SYTL2: variants seen among roughly 807,000 people sequenced by gnomAD.
The protein encoded by SYTL2 is synaptotagmin-like protein 2.
SYTL2 carries 165 observed loss-of-function variants against 198.7 expected under a neutral mutation model. That is an observed-to-expected ratio of 0.83 (90% CI 0.73 to 0.94). The LOEUF (loss-of-function observed/expected upper bound fraction) is 0.94. SYTL2 is among the 40% of genes least tolerant of loss of function. SYTL2 has a pLI of 0.00. For missense variants in SYTL2, 2,835 were observed against 2,582.8 expected (o/e 1.10, Z -2.12); for synonymous variants, 966 against 917.7 (o/e 1.05, Z -0.95).
chr11:85,840,109 C>A, the SYTL2 span, among the ~76,000 whole-genome samples: 4 of 152,234 alleles, frequency 2.6e-5, no homozygotes, highest in Middle Eastern at 3.4e-3. Flanking sequence ...CTATTCAAAT[C>A]TTTTGCCCAT....
intron 9 of SYTL2, among the ~76,000 whole-genome samples, chr11:85,719,581 G>C (rs1171591552): frequency 1.3e-5 from 2 of 151,928 alleles, no homozygotes; most frequent in Non-Finnish European, 2.9e-5. Context: ...GTCCAACAAA[G>C]GATTCGACTC....
At position 85,748,390 on chromosome 11, in the gene SYTL2, C is replaced by T. The variant is rs138298146; in HGVS notation, c.135G>A (p.Gln45=). The T allele has an allele frequency of 7.6e-5, 122 of 1,613,880 alleles. No individual in the cohort carries two copies. Among genetic ancestry groups the T allele is most frequent in the Non-Finnish European group, 9.2e-5 (108 of 1,179,936 alleles). The change falls in exon 3 of 20, where the codon CAG becomes CAA. Residue 45 remains glutamine (Q), a synonymous_variant. Transcript: ENST00000359152. ...ACCATTGGCCACTCATATTCTTCAG[C>T]TGCTGGTCATCCTTAATTTTTTCAG... ...HLPEKIKDDQ[Q]LKNMSGQWFY... is the part of the protein sequence containing the mutation.
chr11:85,780,641 C>T lies in SYTL2; in HGVS notation c.-389-22527G>A, dbSNP rs180702082. Among the ~76,000 whole-genome samples the T allele has an allele frequency of 1.9e-4, 29 of 152,338 alleles. No homozygotes were observed. In the East Asian group the frequency reaches 4.8e-3, roughly 25 times the overall value. Reference sequence around the variant, plus strand: ...CATGCCCCTTCTCCCATACTTTGCCCTATGCATTTCTTCTATCTGGCTGTT... The same window carrying T: ...CATGCCCCTTCTCCCATACTTTGCCTTATGCATTTCTTCTATCTGGCTGTT... On this transcript the variant is annotated intron_variant, in intron 1 of 19. Transcript: ENST00000359152.
chr11:85,818,886 T>C, the SYTL2 span, among the ~76,000 whole-genome samples: 1 of 152,126 alleles, frequency 6.6e-6, no homozygotes, highest in Non-Finnish European at 1.5e-5. Flanking sequence ...AGATACTGAA[T>C]TTGAAGTCAG....
At chr11:85,825,245 G>A in the SYTL2 span, among the ~76,000 whole-genome samples, 14 of 151,968 alleles carry the variant, frequency 9.2e-5, no homozygotes, top group South Asian at 2.7e-3. Flanking sequence ...AAAATTAGCC[G>A]GGCGTAGTGG....
the SYTL2 span, among the ~76,000 whole-genome samples, chr11:85,844,452 A>G: frequency 6.6e-6 from 1 of 152,214 alleles, no homozygotes; most frequent in African/African-American, 2.4e-5. Context: ...TTCTTAAAAT[A>G]TGGAAGTTAG....
chr11:85,719,839 T>G (rs1395943864), intron 9 of SYTL2, among the ~76,000 whole-genome samples: 4 of 152,228 alleles, frequency 2.6e-5, no homozygotes, highest in Admixed American at 2.6e-4. Context: ...CTTTTTTTCA[T>G]TTTTAAATTC....
the SYTL2 span, among the ~76,000 whole-genome samples, chr11:85,838,274 T>C: frequency 6.6e-6 from 1 of 152,206 alleles, no homozygotes; most frequent in Admixed American, 6.5e-5. Context: ...ATTCTTGTGA[T>C]ACCAGCAGGA....
At chr11:85,821,438 G>T in the SYTL2 span, among the ~76,000 whole-genome samples, 1 of 152,304 alleles carries the variant, frequency 6.6e-6, no homozygotes, top group Admixed American at 6.5e-5. Flanking sequence ...ACAACTGGAG[G>T]TGAAGGCACC....
chr11:85,727,602 C>G lies in SYTL2; in HGVS notation c.1756G>C (p.Val586Leu). 1 of 1,536,050 alleles carries G rather than the reference C, an allele frequency of 6.5e-7. No homozygotes were observed. Among genetic ancestry groups the G allele is most frequent in the Non-Finnish European group, 8.7e-7 (1 of 1,146,858 alleles). ...GCTTGGAATGGTGAGTCAGATCTCACAGGCTTCAATTCAATTTTGCTGGGT... is the reference window on the plus strand; with the variant it reads ...GCTTGGAATGGTGAGTCAGATCTCAGAGGCTTCAATTCAATTTTGCTGGGT... ...LSPSKIELKP[V>L]RSDSPFQAEG... Residue 586 changes from valine (V) to leucine (L), a missense_variant, in exon 8 of 20, where the codon GTG (valine) becomes CTG (leucine). This residue lies in a region of SYTL2 where 2,645 missense variants were observed against 2,381.7 expected (regional missense o/e 1.11). Transcript: ENST00000359152.
intron 3 of SYTL2, among the ~76,000 whole-genome samples, chr11:85,746,622 C>T (rs2091171725): frequency 1.3e-5 from 2 of 152,258 alleles, no homozygotes; most frequent in South Asian, 4.1e-4. Context: ...GCTGGAGCTT[C>T]CAGTTTCCAA....
the SYTL2 span, among the ~76,000 whole-genome samples, chr11:85,835,102 G>A: frequency 6.6e-6 from 1 of 151,798 alleles, no homozygotes; most frequent in Non-Finnish European, 1.5e-5. Context: ...ACTTATGATG[G>A]GTTTATTAAG....
intron 1 of SYTL2, among the ~76,000 whole-genome samples, chr11:85,796,496 C>T (rs1372506174): frequency 6.6e-6 from 1 of 152,202 alleles, no homozygotes; most frequent in Non-Finnish European, 1.5e-5. Flanking sequence ...ATTTTTAGGA[C>T]TCTGACAGTA....
At chr11:85,849,619 G>C in the SYTL2 span, among the ~76,000 whole-genome samples, 1 of 150,124 alleles carries the variant, frequency 6.7e-6, no homozygotes, top group African/African-American at 2.4e-5. Context: ...TTATTTCTGA[G>C]GGCTCTGTTC....
intron 13 of SYTL2, among the ~76,000 whole-genome samples, chr11:85,710,179 T>C (rs2086004613): frequency 6.6e-6 from 1 of 152,182 alleles, no homozygotes; most frequent in Non-Finnish European, 1.5e-5. Flanking sequence ...CTAATCATAG[T>C]GACACACTGC....
At chr11:85,749,241 C>A (rs2091362895) in intron 2 of SYTL2, among the ~76,000 whole-genome samples, 1 of 152,120 alleles carries the variant, frequency 6.6e-6, no homozygotes, top group Admixed American at 6.6e-5. Context: ...CTATCCATCT[C>A]AGTAAAATAA....
At chr11:85,735,485 A>G (rs901130292) in intron 6 of SYTL2, among the ~76,000 whole-genome samples, 4 of 152,218 alleles carry the variant, frequency 2.6e-5, no homozygotes, top group Non-Finnish European at 4.4e-5. Flanking sequence ...GGCCAAGCGC[A>G]GTGGCTCACA....
At chr11:85,845,832 C>A in the SYTL2 span, among the ~76,000 whole-genome samples, 1 of 152,018 alleles carries the variant, frequency 6.6e-6, no homozygotes, top group African/African-American at 2.4e-5. Flanking sequence ...AGGAGAATGG[C>A]GTGAACCTGG....
chr11:85,773,480 A>C (rs2092396315), intron 1 of SYTL2, among the ~76,000 whole-genome samples: 1 of 152,194 alleles, frequency 6.6e-6, no homozygotes, highest in South Asian at 2.1e-4. Flanking sequence ...AGATGAGTCT[A>C]GCCCCTTCCT....
Sources: gnomAD v4.1 joint callset for allele counts (sites outside exome capture counted in the v4.1 genomes callset) on GRCh38, gnomAD v4.1.1 for gene constraint, gnomAD v4.1.1 regional missense constraint, MANE v1.5 for transcripts, NCBI Gene and HGNC (gene_info 2026-07-23, HGNC 2026-07-21) for gene names.